ADAMTS18: variants seen among roughly 807,000 people sequenced by gnomAD.
The protein encoded by ADAMTS18 is ADAM metallopeptidase with thrombospondin type 1 motif 18.
ADAMTS18 carries 157 observed loss-of-function variants against 165.9 expected under a neutral mutation model. That is an observed-to-expected ratio of 0.95 (90% CI 0.83 to 1.08). The LOEUF (loss-of-function observed/expected upper bound fraction) is 1.08, where lower values mean the gene tolerates loss of function less well. ADAMTS18 is among the 50% of genes least tolerant of loss of function. The pLI, the probability that ADAMTS18 is intolerant of heterozygous loss-of-function variation, is 0.00. For missense variants in ADAMTS18, 2,040 were observed against 1,534.0 expected (o/e 1.33, Z -5.51); for synonymous variants, 782 against 578.2 (o/e 1.35, Z -5.06).
chr16:77,318,634 T>G (rs79526382), intron 16 of ADAMTS18, among the ~76,000 whole-genome samples: 1 of 152,192 alleles, frequency 6.6e-6, no homozygotes, highest in African/African-American at 2.4e-5. Flanking sequence ...CTGTGTTTAT[T>G]TGAGAAGAGA....
chr16:77,347,552 G>A (rs1001380535), intron 10 of ADAMTS18, among the ~76,000 whole-genome samples: 1 of 151,712 alleles, frequency 6.6e-6, no homozygotes, highest in Admixed American at 6.6e-5. Context: ...ATTCCTGAGA[G>A]CAATTGATAT....
At chr16:77,352,965 G>A (rs1365115979) in intron 10 of ADAMTS18, among the ~76,000 whole-genome samples, 5 of 151,980 alleles carry the variant, frequency 3.3e-5, no homozygotes, top group Non-Finnish European at 7.4e-5. Flanking sequence ...CGAGCATGGT[G>A]GCTACTCAGG....
intron 7 of ADAMTS18, among the ~76,000 whole-genome samples, chr16:77,360,195 A>C (rs1378892978): frequency 7.9e-5 from 12 of 152,214 alleles, no homozygotes; most frequent in Admixed American, 7.9e-4. Flanking sequence ...TGGGAAATCT[A>C]ATACAAAGGC....
chr16:77,321,043 A>G (rs759716512), intron 15 of ADAMTS18, 36 bp downstream of exon 15: 16 of 1,575,812 alleles, frequency 1.0e-5, no homozygotes, highest in Middle Eastern at 3.4e-4. Context: ...CAAAAGTTGT[A>G]TCTCATTAAC....
At chr16:77,353,464 CAGGTTTACT>C (rs1159487078) in intron 10 of ADAMTS18, among the ~76,000 whole-genome samples, 2 of 152,072 alleles carry the variant, frequency 1.3e-5, no homozygotes, top group African/African-American at 4.8e-5. Flanking sequence ...CTATTGTTCC[CAGGTTTACT>C]AGTAGGGATA....
Position 77,321,144 on chromosome 16 carries a change from C to T in ADAMTS18, c.2222G>A (p.Cys741Tyr). The T allele has an allele frequency of 6.2e-7, 1 of 1,614,190 alleles. No homozygotes were observed. Among genetic ancestry groups the T allele is most frequent in the Non-Finnish European group, 8.5e-7 (1 of 1,180,024 alleles). The change falls in exon 15 of 23, where the codon TGC becomes TAC. Residue 741 changes from cysteine (C) to tyrosine (Y), a missense_variant. Transcript: ENST00000282849. ...SKAVSDACGVCKGDNSTCKFY... is the reference protein window; with the variant it reads ...SKAVSDACGVYKGDNSTCKFY... ...CTTGCAAGTTGAATTATCACCTTTGCAAACGCCACAAGCATCTGAAACTGC... is the reference window on the plus strand; with the variant it reads ...CTTGCAAGTTGAATTATCACCTTTGTAAACGCCACAAGCATCTGAAACTGC...
chr16:77,407,682 A>G (rs1358941343), intron 3 of ADAMTS18, among the ~76,000 whole-genome samples: 2 of 152,104 alleles, frequency 1.3e-5, no homozygotes, highest in African/African-American at 2.4e-5. Context: ...CTAGCAATGT[A>G]GTGTGCCTGT....
chr16:77,282,281 TATTA>T lies in ADAMTS18; in HGVS notation c.*1671_*1674del, dbSNP rs58212517. On this transcript the variant is annotated 3_prime_UTR_variant, in exon 23 of 23. Coordinates refer to ENST00000282849, the MANE Select transcript of ADAMTS18 (RefSeq NM_199355.4). The stretch of plus-strand genomic sequence containing the variant: ...AAGCAAGTGAGAACACATAATAGGC[TATTA>T]ATTAATAAATTAATTTTCCATAAAA... 4.0e-3 allele frequency: 610 copies of T among 152,254 alleles called. 2 individuals carry two copies. Among genetic ancestry groups the T allele is most frequent in the African/African-American group, 0.014 (581 of 41,566 alleles). 9.4% of individuals were successfully genotyped at this position (152,254 alleles called of 1,614,324 possible).
chr16:77,392,938 C>T (rs757287579), intron 3 of ADAMTS18, among the ~76,000 whole-genome samples: 3 of 151,606 alleles, frequency 2.0e-5, no homozygotes, highest in Non-Finnish European at 4.4e-5. Context: ...AACTTTTAGA[C>T]AGTATGGAGA....
At chr16:77,346,165 C>T (rs998240493) in intron 10 of ADAMTS18, among the ~76,000 whole-genome samples, 2 of 152,202 alleles carry the variant, frequency 1.3e-5, no homozygotes, top group Non-Finnish European at 2.9e-5. Flanking sequence ...AAAATTTAAT[C>T]AGCCACCAAC....
rs925232734 is a variant in ADAMTS18 at position 77,393,838 on chromosome 16, C to T, written c.496-26115G>A. ...ATTATGGTCCAAAGGCCTCTACTGT[C>T]GACTCTTGGCTGTAGGTCCATTCTT... On this transcript the variant is annotated intron_variant, in intron 3 of 22. Transcript: ENST00000282849. Among the ~76,000 whole-genome samples the T allele has an allele frequency of 4.6e-5, 7 of 152,344 alleles. No homozygotes were observed. In the South Asian group the frequency reaches 6.2e-4, roughly 14 times the overall value.
chr16:77,385,147 G>A (rs549562764), intron 3 of ADAMTS18, among the ~76,000 whole-genome samples: 4 of 151,994 alleles, frequency 2.6e-5, no homozygotes, highest in Admixed American at 1.3e-4. Flanking sequence ...GAACTTAAGC[G>A]ATCCACTCAC....
intron 3 of ADAMTS18, among the ~76,000 whole-genome samples, chr16:77,429,368 G>T (rs1208341283): frequency 6.6e-6 from 1 of 152,190 alleles, no homozygotes. Flanking sequence ...TCACTTATAA[G>T]TGGGAGCTAA....
chr16:77,432,091 G>GAT (rs761095299), intron 2 of ADAMTS18, among the ~76,000 whole-genome samples: 18 of 152,200 alleles, frequency 1.2e-4, no homozygotes, highest in Non-Finnish European at 2.6e-4. Flanking sequence ...CAGAGGCAGA[G>GAT]TTTACATTTC....
At chr16:77,347,475 T>C (rs2056494626) in intron 10 of ADAMTS18, among the ~76,000 whole-genome samples, 1 of 152,190 alleles carries the variant, frequency 6.6e-6, no homozygotes, top group African/African-American at 2.4e-5. Flanking sequence ...TTTGGTATTG[T>C]CAATCTTTTT....
intron 6 of ADAMTS18, 26 bp from the exon 7 acceptor site, chr16:77,362,290 G>A (rs754954646): frequency 4.8e-5 from 77 of 1,613,178 alleles, no homozygotes; most frequent in Non-Finnish European, 6.4e-5. Context: ...ACAAATCAAA[G>A]TGTGAATTTG....
At chr16:77,315,944 T>C (rs1344455709) in intron 16 of ADAMTS18, among the ~76,000 whole-genome samples, 1 of 152,166 alleles carries the variant, frequency 6.6e-6, no homozygotes, top group Non-Finnish European at 1.5e-5. Context: ...TTTTTCCCCA[T>C]CCCTAAACCT....
At chr16:77,400,454 GTC>G (rs58897901) in intron 3 of ADAMTS18, among the ~76,000 whole-genome samples, 5,647 of 67,522 alleles carry the variant, frequency 0.084, 219 homozygotes, top group African/African-American at 0.16. Context: ...GTGTGTGTGT[GTC>G]TGTGTGTGTG....
At chr16:77,412,820 C>T (rs2057482083) in intron 3 of ADAMTS18, among the ~76,000 whole-genome samples, 1 of 152,120 alleles carries the variant, frequency 6.6e-6, no homozygotes, top group Non-Finnish European at 1.5e-5. Context: ...TCCCACAACA[C>T]ATAGAAATTA....
Sources: allele counts gnomAD v4.1 joint callset (sites outside exome capture counted in the v4.1 genomes callset), GRCh38; gene constraint gnomAD v4.1.1; transcripts MANE v1.5; gene names NCBI Gene and HGNC (gene_info 2026-07-23, HGNC 2026-07-21).